HBS1L: variants seen among roughly 807,000 people sequenced by gnomAD.
The protein encoded by HBS1L is HBS1-like protein.
Under a neutral mutation model 88.9 loss-of-function variants are expected in HBS1L, and 55 were observed. The ratio of observed to expected loss-of-function variants is 0.62; its 90% CI spans 0.50 to 0.77. The LOEUF (loss-of-function observed/expected upper bound fraction) is 0.77. HBS1L is among the 30% of genes least tolerant of loss of function. The probability of loss-of-function intolerance (pLI) is 0.00; values close to 1 mark genes in which losing one functional copy is unlikely to be tolerated. For synonymous variants in HBS1L, 267 were observed against 288.5 expected, an observed-to-expected ratio of 0.93 and a Z score of 0.76; for missense variants, 741 against 829.3, an observed-to-expected ratio of 0.89 and a Z score of 1.31.
rs2114738639 is a variant in HBS1L, at chr6:134,966,376, T to C, written c.1996A>G (p.Met666Val). Residue 666 changes from methionine (M) to valine (V), a missense_variant, in exon 17 of 18, where the codon ATG becomes GTG. By Grantham distance (21) the Met-to-Val change is conservative. Transcript: ENST00000367837. Reference protein sequence around the residue: ...YKDFKELGRFMLRYGGSTIAA... With the variant: ...YKDFKELGRFVLRYGGSTIAA... ...ATTGTAGAACCACCGTAACGTAGCA[T>C]GAACCTCCCCAGCTCTTTAAAGTCT... 6.2e-7 allele frequency: 1 copy of C among 1,613,454 alleles called. No individual in the cohort carries two copies. The highest frequency in any genetic ancestry group is 2.2e-5 in the East Asian group (1 of 44,828).
At chr6:135,050,270 C>T (rs1777040598) in intron 2 of HBS1L, among the ~76,000 whole-genome samples, 1 of 152,118 alleles carries the variant, frequency 6.6e-6, no homozygotes, top group Non-Finnish European at 1.5e-5. Flanking sequence ...CTGCCTGCCT[C>T]CAGAGGCTTC....
chr6:134,978,873 A>C (rs1247609683), intron 14 of HBS1L, 86 bp from the exon 15 acceptor site: 18 of 816,524 alleles, frequency 2.2e-5, no homozygotes, highest in Non-Finnish European at 3.4e-5. Flanking sequence ...TTACAAGGAA[A>C]GTAAAACAAT....
intron 7 of HBS1L, among the ~76,000 whole-genome samples, chr6:134,995,962 A>G (rs1775277479): frequency 6.6e-6 from 1 of 152,150 alleles, no homozygotes; most frequent in African/African-American, 2.4e-5. Flanking sequence ...AAGAAAATAC[A>G]CATTAAAAAG....
chr6:135,042,276 T>A, intron 2 of HBS1L, 150 bp from the exon 3 acceptor site: 1 of 591,034 alleles, frequency 1.7e-6, no homozygotes, highest in Non-Finnish European at 2.8e-6. Flanking sequence ...CAATATCATA[T>A]CAAAACATAT....
intron 4 of HBS1L, among the ~76,000 whole-genome samples, chr6:135,021,972 A>C (rs912253185): frequency 6.6e-6 from 1 of 152,200 alleles, no homozygotes; most frequent in Non-Finnish European, 1.5e-5. Context: ...AGCAGCAGAT[A>C]CCATATTCAG....
chr6:134,993,934 T>A, intron 7 of HBS1L, 59 bp from the exon 8 acceptor site: 1 of 710,230 alleles, frequency 1.4e-6, no homozygotes, highest in Non-Finnish European at 2.3e-6. Context: ...TAGAGTAAAT[T>A]AATAATAGTC....
At chr6:134,966,099 G>A (rs75841989) in intron 17 of HBS1L, among the ~76,000 whole-genome samples, 7,949 of 152,038 alleles carry the variant, frequency 0.052, 302 homozygotes, top group Middle Eastern at 0.088. Context: ...TCTTGTTCTA[G>A]TAGCATAACT....
chr6:135,042,465 A>G lies in HBS1L; in HGVS notation c.110-339T>C, dbSNP rs114384026. 1.7e-3 allele frequency among the ~76,000 whole-genome samples: 266 copies of G among 152,172 alleles called. 1 individual carries two copies. The highest frequency in any genetic ancestry group is 6.1e-3 in the African/African-American group (252 of 41,498). On this transcript the variant is annotated intron_variant, in intron 2 of 17. Transcript: ENST00000367837. ...CTGTGTTCCCTGAAATTTTCTCTTC[A>G]ATACAAATATTTCAAACCAAATATC...
Position 134,961,456 on chromosome 6 carries a change from C to T in HBS1L, c.*3823G>A, listed in dbSNP as rs1271177885. 2 of 152,182 alleles carry T rather than the reference C, an allele frequency of 1.3e-5. No individual in the cohort carries two copies. Among genetic ancestry groups the T allele is most frequent in the Non-Finnish European group, 2.9e-5 (2 of 68,046 alleles). The allele number at this position is 152,182 out of a possible 1,614,324, so 9.4% of individuals were successfully genotyped here. ...CATTTAACAATTCTCAAATCTCTAA[C>T]ATCAGATGAGGTCACTGTAATCCGG... On this transcript the variant is annotated 3_prime_UTR_variant, in exon 18 of 18. Transcript: ENST00000367837.
intron 4 of HBS1L, among the ~76,000 whole-genome samples, chr6:135,025,888 T>C (rs964815845): frequency 2.0e-5 from 3 of 150,852 alleles, no homozygotes; most frequent in African/African-American, 7.3e-5. Context: ...GGAGGAAAAA[T>C]TGAAAAGTAA....
rs761859341 is a variant in HBS1L, at chr6:135,050,572, A to T, written c.109+10T>A. The T allele has an allele frequency of 1.3e-6, 2 of 1,562,144 alleles. No individual in the cohort carries two copies. The highest frequency in any genetic ancestry group is 1.8e-5 in the Admixed American group (1 of 56,686). On this transcript the variant is annotated intron_variant, in intron 2 of 17. Transcript: ENST00000367837. ...AAATCTAAGGAATCAAATTATTTTT[A>T]AAAATTCACCTGTTGACGGCGAAAT...
chr6:135,046,058 A>G (rs963083908), intron 2 of HBS1L, among the ~76,000 whole-genome samples: 4 of 152,018 alleles, frequency 2.6e-5, no homozygotes, highest in Non-Finnish European at 5.9e-5. Context: ...TTTCATTCCT[A>G]TTTTCTTTCC....
chr6:135,006,188 A>C (rs76921182), intron 4 of HBS1L, among the ~76,000 whole-genome samples: 4,018 of 152,316 alleles, frequency 0.026, 189 homozygotes, highest in African/African-American at 0.092. Context: ...CAAATAATGA[A>C]ATCTAAGCTA....
At chr6:135,013,546 C>T (rs11970574) in intron 4 of HBS1L, among the ~76,000 whole-genome samples, 2,147 of 152,202 alleles carry the variant, frequency 0.014, 69 homozygotes, top group African/African-American at 0.049. Flanking sequence ...GGAATTTAAG[C>T]GTTGGAGAAA....
intron 8 of HBS1L, among the ~76,000 whole-genome samples, chr6:134,993,458 A>T (rs1775202422): frequency 6.6e-6 from 1 of 152,176 alleles, no homozygotes; most frequent in South Asian, 2.1e-4. Context: ...AGGCCAACTT[A>T]TCAATAAAGG....
intron 4 of HBS1L, among the ~76,000 whole-genome samples, chr6:135,023,486 A>G (rs1776134847): frequency 6.6e-6 from 1 of 152,132 alleles, no homozygotes; most frequent in African/African-American, 2.4e-5. Context: ...GATAATCATC[A>G]CCTGAGATAT....
At chr6:134,997,961 T>C (rs915786593) in intron 5 of HBS1L, among the ~76,000 whole-genome samples, 1 of 152,196 alleles carries the variant, frequency 6.6e-6, no homozygotes, top group African/African-American at 2.4e-5. Context: ...ATCCATCCTA[T>C]CAAAATCAAT....
Position 135,039,706 on chromosome 6 carries a change from T to G in HBS1L, c.297A>C (p.Glu99Asp), listed in dbSNP as rs748978743. 14 of 1,613,930 alleles carry G rather than the reference T, an allele frequency of 8.7e-6. 1 individual carries two copies. The change falls in exon 4 of 18, where the codon GAA (glutamate) becomes GAC (aspartate). Residue 99 changes from glutamate to aspartate, a missense_variant. Coordinates refer to ENST00000367837, the MANE Select transcript of HBS1L (RefSeq NM_006620.4). ...REVLGDAVPD[E>D]ILIEAVLKNK... The stretch of plus-strand genomic sequence containing the variant: ...TCTTCAGAACTGCTTCAATTAATAT[T>G]TCATCTGGCACAGCATCTCCAAGTA...
chr6:134,965,152 T>C lies in HBS1L; in HGVS notation c.*127A>G. ...ATACTTCTTTGCAGCTAATTTTAGC[T>C]TTAATTTTTCTCTCTCATCTAAAAA... is the stretch of plus-strand genomic sequence containing the variant. On this transcript the variant is annotated 3_prime_UTR_variant, in exon 18 of 18. Coordinates refer to ENST00000367837, the MANE Select transcript of HBS1L (RefSeq NM_006620.4). 1.2e-6 allele frequency: 1 copy of C among 836,688 alleles called. No individual in the cohort carries two copies. The highest frequency in any genetic ancestry group is 2.0e-6 in the Non-Finnish European group (1 of 501,712). The allele number at this position is 836,688 out of a possible 1,614,324, so 51.8% of individuals were successfully genotyped here. A position where few individuals can be genotyped will look rare whatever the true frequency, so the allele number is the denominator to read the frequency against.
Sources: allele counts gnomAD v4.1 joint callset (sites outside exome capture counted in the v4.1 genomes callset), GRCh38; gene constraint gnomAD v4.1.1; transcripts MANE v1.5; gene names NCBI Gene and HGNC (gene_info 2026-07-23, HGNC 2026-07-21).